The following TCF12 variants were observed in gnomAD, a reference collection of about 807,000 sequenced individuals.
The protein encoded by TCF12 is DNA-binding protein HTF4.
In TCF12, 45 loss-of-function variants were observed where a neutral mutation model predicts 86.0. The observed-to-expected ratio is 0.52, with a 90% CI of 0.41 to 0.67. TCF12 has a LOEUF of 0.67. Ranked by LOEUF, TCF12 falls within the 30% of genes least tolerant of loss-of-function variation. The pLI, the probability that TCF12 is intolerant of heterozygous loss-of-function variation, is 0.00. For missense variants in TCF12, 881 were observed against 859.9 expected, an observed-to-expected ratio of 1.02 and a Z score of -0.31; for synonymous variants, 330 against 299.6, an observed-to-expected ratio of 1.10 and a Z score of -1.05.
intron 5 of TCF12, among the ~76,000 whole-genome samples, chr15:57,111,672 A>G (rs944282924): frequency 2.7e-5 from 4 of 148,236 alleles, no homozygotes; most frequent in African/African-American, 1.0e-4. Flanking sequence ...GCTCACTGCA[A>G]CCTCTGCCTA....
intron 6 of TCF12, among the ~76,000 whole-genome samples, chr15:57,177,936 T>C (rs2056073167): frequency 6.6e-6 from 1 of 152,102 alleles, no homozygotes; most frequent in Non-Finnish European, 1.5e-5. Flanking sequence ...CATTCATTGT[T>C]TCTTTCTTTC....
At chr15:57,202,588 A>C (rs1220380859) in intron 8 of TCF12, among the ~76,000 whole-genome samples, 2 of 151,952 alleles carry the variant, frequency 1.3e-5, no homozygotes, top group Non-Finnish European at 2.9e-5. Flanking sequence ...GGTGCCCACC[A>C]CCACACCCGG....
intron 5 of TCF12, among the ~76,000 whole-genome samples, chr15:57,119,747 A>G (rs1468159133): frequency 6.6e-6 from 1 of 152,108 alleles, no homozygotes; most frequent in Non-Finnish European, 1.5e-5. Context: ...ATCCTTGGTA[A>G]ATATTCGTCA....
chr15:57,208,541 A>G (rs1198541321), intron 8 of TCF12, among the ~76,000 whole-genome samples: 2 of 147,728 alleles, frequency 1.4e-5, no homozygotes, highest in Middle Eastern at 3.6e-3. Context: ...TGCCACCACA[A>G]CTGGCTAATT....
chr15:57,139,369 C>T (rs548948068), intron 5 of TCF12, among the ~76,000 whole-genome samples: 2 of 152,220 alleles, frequency 1.3e-5, no homozygotes, highest in South Asian at 2.1e-4. Flanking sequence ...ATAGATGTTT[C>T]AGAAATCATC....
At chr15:57,177,799 C>T (rs1328884944) in intron 6 of TCF12, among the ~76,000 whole-genome samples, 3 of 152,108 alleles carry the variant, frequency 2.0e-5, no homozygotes, top group African/African-American at 7.2e-5. Context: ...CAGCTCACTG[C>T]AGCCTTGACC....
At chr15:56,976,305 A>G (rs1447823138) in intron 3 of TCF12, among the ~76,000 whole-genome samples, 2 of 131,596 alleles carry the variant, frequency 1.5e-5, no homozygotes, top group African/African-American at 5.9e-5. Context: ...ATTTCGGCTC[A>G]CTGCAACCTC....
intron 3 of TCF12, among the ~76,000 whole-genome samples, chr15:57,006,247 C>T (rs192250738): frequency 8.5e-5 from 13 of 152,174 alleles, no homozygotes; most frequent in East Asian, 7.7e-4. Flanking sequence ...TTTATTCTCA[C>T]GGACTATACT....
At chr15:57,207,723 A>G (rs565813629) in intron 8 of TCF12, among the ~76,000 whole-genome samples, 2 of 152,216 alleles carry the variant, frequency 1.3e-5, no homozygotes, top group African/African-American at 4.8e-5. Flanking sequence ...GAAAACTTCA[A>G]GTTTTCTGAC....
intron 5 of TCF12, among the ~76,000 whole-genome samples, chr15:57,162,590 T>C (rs1791468021): frequency 6.6e-6 from 1 of 152,200 alleles, no homozygotes; most frequent in Non-Finnish European, 1.5e-5. Flanking sequence ...AACTTTTACT[T>C]TGTAACATCT....
chr15:57,251,469 G>A (rs1424077789), intron 14 of TCF12, 46 bp downstream of exon 14: 3 of 1,589,526 alleles, frequency 1.9e-6, no homozygotes, highest in Non-Finnish European at 2.6e-6. Flanking sequence ...CTTAGAGTTT[G>A]TTTGTTTTTG....
At chr15:57,098,698 G>T (rs1017210204) in intron 5 of TCF12, among the ~76,000 whole-genome samples, 2 of 152,144 alleles carry the variant, frequency 1.3e-5, no homozygotes, top group African/African-American at 4.8e-5. Context: ...TTTATTGTGG[G>T]TCACATTTAT....
chr15:57,101,406 T>C (rs1345286306), intron 5 of TCF12, among the ~76,000 whole-genome samples: 12 of 152,156 alleles, frequency 7.9e-5, no homozygotes, highest in African/African-American at 2.9e-4. Context: ...AGACACAGTC[T>C]TGTTGCGCTG....
intron 8 of TCF12, among the ~76,000 whole-genome samples, chr15:57,209,026 T>C (rs2057990498): frequency 6.6e-6 from 1 of 152,230 alleles, no homozygotes; most frequent in African/African-American, 2.4e-5. Context: ...CAAAATGTTT[T>C]TTGTTGCATA....
chr15:57,137,073 G>A (rs1025765258), intron 5 of TCF12, among the ~76,000 whole-genome samples: 1 of 142,350 alleles, frequency 7.0e-6, no homozygotes, highest in African/African-American at 2.6e-5. Context: ...TCTGTCTCCC[G>A]GGTTCACGCC....
At chr15:57,092,421 A>C (rs1353564267) in intron 5 of TCF12, among the ~76,000 whole-genome samples, 1 of 152,188 alleles carries the variant, frequency 6.6e-6, no homozygotes. Flanking sequence ...GTGAAGTTGC[A>C]CTTTCAAGAA....
At chr15:57,131,192 G>C (rs572179296) in intron 5 of TCF12, among the ~76,000 whole-genome samples, 7 of 152,090 alleles carry the variant, frequency 4.6e-5, no homozygotes, top group Non-Finnish European at 1.0e-4. Flanking sequence ...GTCGCACAAG[G>C]TAAACCTGGT....
chr15:57,139,184 C>T (rs1189770893), intron 5 of TCF12, among the ~76,000 whole-genome samples: 1 of 152,120 alleles, frequency 6.6e-6, no homozygotes, highest in African/African-American at 2.4e-5. Flanking sequence ...TCTAGTTACT[C>T]TTCCTTCTCC....
intron 8 of TCF12, among the ~76,000 whole-genome samples, chr15:57,202,469 TC>T (rs1566908817): frequency 6.7e-6 from 1 of 149,568 alleles, no homozygotes; most frequent in Non-Finnish European, 1.5e-5. Flanking sequence ...AGAGTCTTGC[TC>T]TGTCTCCCAG....
Sources: allele counts gnomAD v4.1 joint callset (sites outside exome capture counted in the v4.1 genomes callset), GRCh38; gene constraint gnomAD v4.1.1; transcripts MANE v1.5; gene names NCBI Gene and HGNC (gene_info 2026-07-23, HGNC 2026-07-21).